NXPE2: variants seen among roughly 807,000 people sequenced by gnomAD.
NXPE2 encodes neurexophilin and PC-esterase domain family member 2.
Under a neutral mutation model 34.4 loss-of-function variants are expected in NXPE2, and 34 were observed. That is an observed-to-expected ratio of 0.99 (90% CI 0.75 to 1.31). NXPE2 has a LOEUF of 1.31. NXPE2 is among the 40% of genes most tolerant of loss of function. NXPE2 has a pLI of 0.00. For synonymous variants in NXPE2, 235 were observed against 231.3 expected (o/e 1.02, Z -0.15); for missense variants, 649 against 672.5 (o/e 0.97, Z 0.39).
chr11:114,775,319 C>T, the NXPE2 span, among the ~76,000 whole-genome samples: 2 of 152,152 alleles, frequency 1.3e-5, no homozygotes, highest in South Asian at 2.1e-4. Flanking sequence ...CAAGGTGGGA[C>T]GAGGAGAGAA....
At chr11:114,721,585 A>G in the NXPE2 span, among the ~76,000 whole-genome samples, 1 of 152,226 alleles carries the variant, frequency 6.6e-6, no homozygotes, top group Non-Finnish European at 1.5e-5. Flanking sequence ...GAGGTCAGAG[A>G]GAATGGAAAA....
chr11:114,697,779 A>T (rs1005788156), intron 2 of NXPE2, among the ~76,000 whole-genome samples: 1 of 152,212 alleles, frequency 6.6e-6, no homozygotes, highest in Non-Finnish European at 1.5e-5. Context: ...AAATTGAATC[A>T]TGAAATAGTA....
the NXPE2 span, among the ~76,000 whole-genome samples, chr11:114,744,538 G>C: frequency 2.0e-5 from 3 of 152,190 alleles, no homozygotes; most frequent in African/African-American, 7.2e-5. Context: ...GCTGGGCGTG[G>C]TGGCTTATGC....
At chr11:114,580,242 C>A in the NXPE2 span, 1 of 1,613,962 alleles carries the variant, frequency 6.2e-7, no homozygotes, top group East Asian at 2.2e-5. Flanking sequence ...AGCCAAACTA[C>A]AGGAGACAGG....
chr11:114,514,664 G>C, the NXPE2 span, among the ~76,000 whole-genome samples: 1 of 152,090 alleles, frequency 6.6e-6, no homozygotes, highest in Non-Finnish European at 1.5e-5. Context: ...ACAGGGATTA[G>C]AGGCCTGAAC....
chr11:114,774,464 C>T, the NXPE2 span, among the ~76,000 whole-genome samples: 1 of 152,210 alleles, frequency 6.6e-6, no homozygotes, highest in African/African-American at 2.4e-5. Flanking sequence ...CATGATTTTC[C>T]TGAACCAAAC....
At chr11:114,626,208 C>A in the NXPE2 span, among the ~76,000 whole-genome samples, 1 of 152,200 alleles carries the variant, frequency 6.6e-6, no homozygotes, top group African/African-American at 2.4e-5. Flanking sequence ...TCTGTAGGCT[C>A]CACCTCTGGG....
At chr11:114,636,618 C>G in the NXPE2 span, among the ~76,000 whole-genome samples, 1 of 151,984 alleles carries the variant, frequency 6.6e-6, no homozygotes, top group Non-Finnish European at 1.5e-5. Context: ...AAATTTCCCT[C>G]TACACACTGC....
chr11:114,571,358 T>C, the NXPE2 span: 4 of 1,614,046 alleles, frequency 2.5e-6, no homozygotes, highest in Non-Finnish European at 3.4e-6. Flanking sequence ...AATAGGTCAT[T>C]GATCCTATCA....
chr11:114,739,415 C>T, the NXPE2 span, among the ~76,000 whole-genome samples: 1 of 141,352 alleles, frequency 7.1e-6, no homozygotes, highest in Non-Finnish European at 1.5e-5. Flanking sequence ...TCGCTCCTTC[C>T]CTTCTTCCCT....
chr11:114,513,214 C>T, the NXPE2 span: 1 of 538,056 alleles, frequency 1.9e-6, no homozygotes, highest in East Asian at 4.7e-5. Context: ...CCAGCTGGTG[C>T]CTCCTGTAGT....
At chr11:114,518,325 G>A in the NXPE2 span, 1 of 152,190 alleles carries the variant, frequency 6.6e-6, no homozygotes, top group African/African-American at 2.4e-5. Context: ...TGTGCTCTAA[G>A]TGTTACACCT....
rs556547998 is a variant in NXPE2, at chr11:114,684,609, G to T, written c.132+4847G>T. 2.0e-5 allele frequency among the ~76,000 whole-genome samples: 3 copies of T among 152,066 alleles called. No homozygotes were observed. In the South Asian group the frequency reaches 6.2e-4, roughly 31 times the overall value. On this transcript the variant is annotated intron_variant, in intron 2 of 5. Coordinates refer to ENST00000389586, the MANE Select transcript of NXPE2 (RefSeq NM_182495.6). ...TGAGGAGTTAGTGGTAGTGGAGAAA[G>T]TGCACATGGGAAGGAAGAGGACCCT...
At chr11:114,503,575 GAT>G in the NXPE2 span, among the ~76,000 whole-genome samples, 2 of 151,212 alleles carry the variant, frequency 1.3e-5, no homozygotes, top group African/African-American at 4.9e-5. Flanking sequence ...AGTGCCAAAA[GAT>G]ATGTCAAGAT....
chr11:114,565,935 TA>T, the NXPE2 span, among the ~76,000 whole-genome samples: 2 of 150,920 alleles, frequency 1.3e-5, no homozygotes, highest in Admixed American at 1.3e-4. Flanking sequence ...ACATATATTG[TA>T]AAAAAAAATA....
the NXPE2 span, among the ~76,000 whole-genome samples, chr11:114,543,740 A>G: frequency 6.6e-6 from 1 of 152,184 alleles, no homozygotes; most frequent in Non-Finnish European, 1.5e-5. Flanking sequence ...CTAGTACAAT[A>G]AAACAAGAAG....
the NXPE2 span, among the ~76,000 whole-genome samples, chr11:114,659,457 A>G: frequency 6.6e-6 from 1 of 151,798 alleles, no homozygotes; most frequent in Admixed American, 6.6e-5. Flanking sequence ...AAAAAGAGTG[A>G]AGAAAAAAAA....
At chr11:114,508,681 G>C in the NXPE2 span, among the ~76,000 whole-genome samples, 2 of 152,218 alleles carry the variant, frequency 1.3e-5, no homozygotes, top group Non-Finnish European at 2.9e-5. Context: ...GGGGTAGCTG[G>C]CTAGCCATAT....
chr11:114,472,973 TG>T, the NXPE2 span, among the ~76,000 whole-genome samples: 1 of 152,184 alleles, frequency 6.6e-6, no homozygotes. Context: ...GATTTTCAAG[TG>T]CAATTTTTTT....
Sources: gnomAD v4.1 joint callset for allele counts (sites outside exome capture counted in the v4.1 genomes callset) on GRCh38, gnomAD v4.1.1 for gene constraint, MANE v1.5 for transcripts, NCBI Gene and HGNC (gene_info 2026-07-23, HGNC 2026-07-21) for gene names.